CEP63: variants seen among roughly 807,000 people sequenced by gnomAD.
CEP63 encodes centrosomal protein 63, also known as centrosomal protein of 63 kDa.
A neutral mutation model predicts 89.1 loss-of-function variants in CEP63; 84 were observed. The observed-to-expected ratio is 0.94, with a 90% CI of 0.79 to 1.13. The LOEUF (loss-of-function observed/expected upper bound fraction) is 1.13, where lower values mean the gene tolerates loss of function less well. CEP63 is among the 50% of genes most tolerant of loss of function. The pLI, the probability that CEP63 is intolerant of heterozygous loss-of-function variation, is 0.00. For synonymous variants in CEP63, 267 were observed against 272.5 expected (o/e 0.98, Z 0.20); for missense variants, 838 against 813.3 (o/e 1.03, Z -0.37).
the CEP63 span, among the ~76,000 whole-genome samples, chr3:134,661,334 C>A: frequency 6.6e-6 from 1 of 152,200 alleles, no homozygotes; most frequent in East Asian, 1.9e-4. Context: ...CCTTTCTGTT[C>A]CTTCCGCCTA....
intron 2 of CEP63, among the ~76,000 whole-genome samples, chr3:134,499,613 CTT>C (rs1941336321): frequency 6.6e-6 from 1 of 151,770 alleles, no homozygotes; most frequent in Non-Finnish European, 1.5e-5. Context: ...TATTTGAAGT[CTT>C]TGTACTGTTT....
intron 12 of CEP63, among the ~76,000 whole-genome samples, chr3:134,556,399 T>C (rs560715491): frequency 6.6e-6 from 1 of 151,590 alleles, no homozygotes; most frequent in East Asian, 1.9e-4. Context: ...CCCACGAGGT[T>C]GGGAATAATA....
At chr3:134,639,424 G>C in the CEP63 span, among the ~76,000 whole-genome samples, 12 of 152,134 alleles carry the variant, frequency 7.9e-5, no homozygotes, top group African/African-American at 2.9e-4. Flanking sequence ...CATGATGAAG[G>C]GCATCACTGG....
chr3:134,639,742 T>C, the CEP63 span: 1 of 151,656 alleles, frequency 6.6e-6, no homozygotes, highest in African/African-American at 2.4e-5. Context: ...GCCCAGGGGT[T>C]TGAGACCATT....
the CEP63 span, among the ~76,000 whole-genome samples, chr3:134,773,789 C>T: frequency 6.6e-6 from 1 of 152,296 alleles, no homozygotes; most frequent in Non-Finnish European, 1.5e-5. Context: ...GTGCATCCCT[C>T]ATTCCTCCAA....
chr3:134,693,879 A>T, the CEP63 span, among the ~76,000 whole-genome samples: 1 of 152,204 alleles, frequency 6.6e-6, no homozygotes, highest in Non-Finnish European at 1.5e-5. Context: ...TTCAGGGTCC[A>T]TGTCTTCCTG....
the CEP63 span, among the ~76,000 whole-genome samples, chr3:134,781,573 A>C: frequency 4.9e-3 from 751 of 152,338 alleles, 7 homozygotes; most frequent in African/African-American, 0.017. Context: ...TACCTGGGTG[A>C]TGGATCATTT....
At chr3:134,553,990 C>A (rs954413351) in intron 12 of CEP63, among the ~76,000 whole-genome samples, 2 of 152,172 alleles carry the variant, frequency 1.3e-5, no homozygotes, top group Non-Finnish European at 2.9e-5. Flanking sequence ...TTGAAGGTGG[C>A]AGATGAAAAC....
chr3:134,709,909 T>C, the CEP63 span, among the ~76,000 whole-genome samples: 1 of 152,242 alleles, frequency 6.6e-6, no homozygotes, highest in Non-Finnish European at 1.5e-5. Context: ...AATCTGTGAT[T>C]ATTCATCTAG....
chr3:134,709,835 T>G, the CEP63 span, among the ~76,000 whole-genome samples: 1 of 152,226 alleles, frequency 6.6e-6, no homozygotes, highest in East Asian at 1.9e-4. Context: ...AAAGGTAAGA[T>G]ATTTAGAGTG....
At chr3:134,547,614 C>CTTTTTCTTTTTTTTTTTTTTTT (rs1953749548) in intron 9 of CEP63, 142 bp downstream of exon 9, 1 of 224,274 alleles carries the variant, frequency 4.5e-6, no homozygotes, top group Non-Finnish European at 8.0e-6. Context: ...GTTCTTATTT[C>CTTTTTCTTTTTTTTTTTTTTTT]TTTTTTTTTT....
At chr3:134,603,374 C>T in the CEP63 span, 1 of 501,108 alleles carries the variant, frequency 2.0e-6, no homozygotes, top group South Asian at 3.8e-5. Context: ...ACTGCCTCTG[C>T]CCCCTCAGTC....
chr3:134,762,467 C>A, the CEP63 span, among the ~76,000 whole-genome samples: 1 of 152,156 alleles, frequency 6.6e-6, no homozygotes, highest in African/African-American at 2.4e-5. Flanking sequence ...ACATCTGGTA[C>A]TTCAGAACAT....
chr3:134,663,681 A>G, the CEP63 span, among the ~76,000 whole-genome samples: 1 of 152,128 alleles, frequency 6.6e-6, no homozygotes, highest in African/African-American at 2.4e-5. Context: ...GGTCCAGTGG[A>G]TCATTCCCTG....
rs759450525 is a variant in CEP63 at position 134,545,614 on chromosome 3, T to TA, written c.585dup (p.Glu196ArgfsTer7). ...CAGCTTGTCAATCGGAAACAGAAAT[T>TA]AGAGTCTGTGGAACTTTCTAGCCAA... On this transcript the variant is annotated frameshift_variant, in exon 7 of 15. Coordinates refer to ENST00000675561, the MANE Select transcript of CEP63 (RefSeq NM_001353108.3). LOFTEE classifies it high-confidence loss of function. 1.2e-6 allele frequency: 2 copies of TA among 1,614,130 alleles called. No individual in the cohort carries two copies. The highest frequency in any genetic ancestry group is 1.3e-5 in the African/African-American group (1 of 75,050).
intron 9 of CEP63, among the ~76,000 whole-genome samples, chr3:134,548,361 C>T (rs1954043623): frequency 6.6e-6 from 1 of 152,180 alleles, no homozygotes; most frequent in Non-Finnish European, 1.5e-5. Context: ...TTTTGTTCTG[C>T]TGTGGTGTTG....
chr3:134,756,566 C>T, the CEP63 span, among the ~76,000 whole-genome samples: 2 of 152,140 alleles, frequency 1.3e-5, no homozygotes, highest in East Asian at 3.9e-4. Flanking sequence ...GTTGCCCAGG[C>T]TGGTCTCAAA....
the CEP63 span, among the ~76,000 whole-genome samples, chr3:134,770,753 T>G: frequency 6.6e-6 from 1 of 152,184 alleles, no homozygotes; most frequent in Non-Finnish European, 1.5e-5. Context: ...CCCTCTGAGA[T>G]TCCACCTTCT....
At chr3:134,508,026 T>C (rs978340856) in intron 3 of CEP63, among the ~76,000 whole-genome samples, 3 of 152,234 alleles carry the variant, frequency 2.0e-5, no homozygotes, top group South Asian at 2.1e-4. Flanking sequence ...TTTCTCACTC[T>C]GAAGACCTTT....
Sources: allele counts gnomAD v4.1 joint callset (sites outside exome capture counted in the v4.1 genomes callset), GRCh38; gene constraint gnomAD v4.1.1; transcripts MANE v1.5; gene names NCBI Gene and HGNC (gene_info 2026-07-23, HGNC 2026-07-21).